EPAS1: variants seen among roughly 807,000 people sequenced by gnomAD.
EPAS1 encodes endothelial PAS domain protein 1.
A neutral mutation model predicts 87.9 loss-of-function variants in EPAS1; 23 were observed. That is an observed-to-expected ratio of 0.26 (90% confidence interval 0.19 to 0.37). The LOEUF (loss-of-function observed/expected upper bound fraction) is 0.37, where lower values mean the gene tolerates loss of function less well. EPAS1 is among the 10% of genes least tolerant of loss of function. The pLI is 1.00. For synonymous variants in EPAS1, 508 were observed against 444.3 expected (o/e 1.14, Z -1.80); for missense variants, 1,138 against 1,120.7 (o/e 1.02, Z -0.22).
In EPAS1 at chr2:46,380,108, T is replaced by G; in HGVS notation, c.1555-119T>G. The G allele has an allele frequency of 6.5e-7, 1 of 1,550,050 alleles. No individual in the cohort carries two copies. Among genetic ancestry groups the G allele is most frequent in the Non-Finnish European group, 8.8e-7 (1 of 1,136,588 alleles). ...AGGCCCTCGGGAGCCAGTGGAGGCG[T>G]TTGAGCAGCACTGTGAAACAGTGCT... On this transcript the variant is annotated intron_variant, in intron 11 of 15. Coordinates refer to ENST00000263734, the MANE Select transcript of EPAS1 (RefSeq NM_001430.5). This position sits in a 1 kb window ranked among gnomAD's most constrained non-coding sequence, Gnocchi z 4.4.
intron 1 of EPAS1, among the ~76,000 whole-genome samples, chr2:46,309,243 T>C (rs1332816542): frequency 1.3e-5 from 2 of 152,226 alleles, no homozygotes; most frequent in African/African-American, 4.8e-5. Flanking sequence ...GAATCATCAC[T>C]GTGTGTAGAT....
intron 1 of EPAS1, among the ~76,000 whole-genome samples, chr2:46,322,020 C>T (rs890237098): frequency 2.6e-5 from 4 of 152,118 alleles, no homozygotes; most frequent in Non-Finnish European, 4.4e-5. Context: ...ATAATCCCTA[C>T]TGATTTGGGT....
intron 13 of EPAS1, 75 bp from the exon 14 acceptor site, chr2:46,381,900 C>T: frequency 9.7e-6 from 5 of 518,044 alleles, no homozygotes; most frequent in Non-Finnish European, 1.1e-5. Context: ...CTGTTCCAGG[C>T]CCACCCAACC....
At chr2:46,356,127 T>TTGGGGGGGGGGGGGGGGGGGGGGGGGGGG in intron 2 of EPAS1, 24 bp from the exon 3 acceptor site, 1 of 1,395,474 alleles carries the variant, frequency 7.2e-7, no homozygotes, top group Non-Finnish European at 9.9e-7. Flanking sequence ...TCATGCAAGC[T>TTGGGGGGGGGGGGGGGGGGGGGGGGGGGG]GTCCCACCCC....
At chr2:46,325,501 C>A (rs1443073269) in intron 1 of EPAS1, among the ~76,000 whole-genome samples, 3 of 152,196 alleles carry the variant, frequency 2.0e-5, no homozygotes, top group African/African-American at 7.2e-5. Flanking sequence ...ACATGACTCA[C>A]TTTGGTGGTG....
intron 1 of EPAS1, among the ~76,000 whole-genome samples, chr2:46,298,364 C>G (rs999458301): frequency 6.6e-6 from 1 of 152,222 alleles, no homozygotes; most frequent in Non-Finnish European, 1.5e-5. Flanking sequence ...TCTGGATTCG[C>G]GGAGTCCTTC....
chr2:46,380,101 G>A lies in EPAS1; in HGVS notation c.1555-126G>A. 2 of 1,503,120 alleles carry A rather than the reference G, an allele frequency of 1.3e-6. No homozygotes were observed. Among genetic ancestry groups the A allele is most frequent in the Admixed American group, 1.7e-5 (1 of 59,816 alleles). 93.1% of individuals were successfully genotyped at this position (1,503,120 alleles called of 1,614,324 possible). ...TCCTGATAGGCCCTCGGGAGCCAGT[G>A]GAGGCGTTTGAGCAGCACTGTGAAA... On this transcript the variant is annotated intron_variant, in intron 11 of 15. Coordinates refer to ENST00000263734, the MANE Select transcript of EPAS1 (RefSeq NM_001430.5). The surrounding 1 kb of genome is among the most constrained non-coding windows in gnomAD (Gnocchi z 4.4).
chr2:46,318,989 C>A (rs1387188623), intron 1 of EPAS1, among the ~76,000 whole-genome samples: 1 of 152,142 alleles, frequency 6.6e-6, no homozygotes, highest in Non-Finnish European at 1.5e-5. Context: ...GCTCAGAAAA[C>A]AAGCTATAAC....
intron 2 of EPAS1, 24 bp from the exon 3 acceptor site, chr2:46,356,127 T>TGGGGG: frequency 1.0e-4 from 143 of 1,395,028 alleles, no homozygotes; most frequent in Non-Finnish European, 1.4e-4. Context: ...TCATGCAAGC[T>TGGGGG]GTCCCACCCC....
Position 46,300,840 on chromosome 2 carries a change from A to G in EPAS1, c.26+2903A>G, listed in dbSNP as rs986735598. On this transcript the variant is annotated intron_variant, in intron 1 of 15. Transcript: ENST00000263734. The surrounding 1 kb of genome is among the most constrained non-coding windows in gnomAD (Gnocchi z 4.1). Reference sequence around the variant, plus strand: ...CTAGCGTGGAAGGGGAATTGGAGACACCTGGATCTCCAATCTCCCCCTCCT... The same window carrying G: ...CTAGCGTGGAAGGGGAATTGGAGACGCCTGGATCTCCAATCTCCCCCTCCT... Among the ~76,000 whole-genome samples the G allele has an allele frequency of 2.0e-5, 3 of 152,132 alleles. No individual in the cohort carries two copies. The highest frequency in any genetic ancestry group is 7.2e-5 in the African/African-American group (3 of 41,426).
chr2:46,352,469 G>A (rs143336041), intron 2 of EPAS1, among the ~76,000 whole-genome samples: 1,525 of 151,746 alleles, frequency 0.01, 30 homozygotes, highest in African/African-American at 0.035. Flanking sequence ...GGTGTAGGGA[G>A]CGCGTGCATT....
Position 46,380,677 on chromosome 2 carries a change from C to T in EPAS1, c.2005C>T (p.Pro669Ser). Residue 669 changes from proline (P) to serine (S), a missense_variant, in exon 12 of 16, where the codon CCC (proline) becomes TCC (serine). Transcript: ENST00000263734. The surrounding 1 kb of genome is among the most constrained non-coding windows in gnomAD (Gnocchi z 4.4). ...GTTCTTGGGAGCAGCGCCGTTGGGGCCCCCTGTCTCTCCACCCCATGTCTC... is the reference window on the plus strand; with the variant it reads ...GTTCTTGGGAGCAGCGCCGTTGGGGTCCCCTGTCTCTCCACCCCATGTCTC... ...TEFLGAAPLG[P>S]PVSPPHVSTF... The T allele has an allele frequency of 6.2e-7, 1 of 1,613,746 alleles. No individual in the cohort carries two copies. The highest frequency in any genetic ancestry group is 8.5e-7 in the Non-Finnish European group (1 of 1,179,998).
At chr2:46,319,429 G>C (rs1376609785) in intron 1 of EPAS1, among the ~76,000 whole-genome samples, 1 of 152,064 alleles carries the variant, frequency 6.6e-6, no homozygotes, top group Non-Finnish European at 1.5e-5. Context: ...CTTTAAAAAG[G>C]CACTCTTTCT....
In EPAS1 at chr2:46,385,385, AT is replaced by A. The variant is rs1014085735; in HGVS notation, c.*728del. 1 of 152,536 alleles carries A rather than the reference AT, an allele frequency of 6.6e-6. No individual in the cohort carries two copies. The highest frequency in any genetic ancestry group is 1.5e-5 in the Non-Finnish European group (1 of 68,094). The allele number at this position is 152,536 out of a possible 1,614,324, so 9.4% of individuals were successfully genotyped here. The stretch of plus-strand genomic sequence containing the variant: ...ACTGAGTTTTTTAAAAGAGGAGAAA[AT>A]TTATATCTGGGTTAAGTGTTTATCA... On this transcript the variant is annotated 3_prime_UTR_variant, in exon 16 of 16. Coordinates refer to ENST00000263734, the MANE Select transcript of EPAS1 (RefSeq NM_001430.5).
intron 7 of EPAS1, 125 bp downstream of exon 7, chr2:46,370,058 A>G (rs1684595700): frequency 2.6e-6 from 2 of 782,854 alleles, no homozygotes; most frequent in Non-Finnish European, 4.4e-6. Flanking sequence ...TGTGTGGCAG[A>G]CAAGACTTAT....
Position 46,380,680 on chromosome 2 carries a change from C to G in EPAS1, c.2008C>G (p.Pro670Ala), listed in dbSNP as rs1684868706. The change falls in exon 12 of 16, where the codon CCT (proline) becomes GCT (alanine). Residue 670 changes from proline to alanine, a missense_variant. Pro to Ala is a conservative substitution (Grantham distance 27, BLOSUM62 -1). This residue lies in a region of EPAS1 where 502 missense variants were observed against 427.1 expected (regional missense o/e 1.18). Transcript: ENST00000263734. The surrounding 1 kb of genome is among the most constrained non-coding windows in gnomAD (Gnocchi z 4.4). ...EFLGAAPLGP[P>A]VSPPHVSTFK... Reference sequence around the variant, plus strand: ...CTTGGGAGCAGCGCCGTTGGGGCCCCCTGTCTCTCCACCCCATGTCTCCAC... The same window carrying G: ...CTTGGGAGCAGCGCCGTTGGGGCCCGCTGTCTCTCCACCCCATGTCTCCAC... The G allele has an allele frequency of 6.2e-7, 1 of 1,613,660 alleles. No homozygotes were observed.
chr2:46,365,650 G>A (rs1181513531), intron 6 of EPAS1, among the ~76,000 whole-genome samples: 4 of 152,236 alleles, frequency 2.6e-5, no homozygotes, highest in Admixed American at 2.6e-4. Context: ...AGAGCTGGTT[G>A]TATAGATTTC....
chr2:46,375,910 ACAGG>A lies in EPAS1; in HGVS notation c.1034+75_1034+78del, dbSNP rs1218604768. The A allele has an allele frequency of 3.7e-6, 6 of 1,605,900 alleles. No individual in the cohort carries two copies. The Admixed American group carries it at 1.0e-4, about 27-fold the overall frequency. ...GCCCAAGCTTCCCAGACTCAGGATGACAGGCCTAGGAGATGCCAGGCCTCTCAGC... is the reference window on the plus strand; with the variant it reads ...GCCCAAGCTTCCCAGACTCAGGATGACCTAGGAGATGCCAGGCCTCTCAGC... On this transcript the variant is annotated intron_variant, in intron 8 of 15. Coordinates refer to ENST00000263734, the MANE Select transcript of EPAS1 (RefSeq NM_001430.5). This position sits in a 1 kb window ranked among gnomAD's most constrained non-coding sequence, Gnocchi z 4.1.
chr2:46,310,063 T>C (rs919047947), intron 1 of EPAS1, among the ~76,000 whole-genome samples: 3 of 152,202 alleles, frequency 2.0e-5, no homozygotes, highest in Admixed American at 6.5e-5. Flanking sequence ...CACTCTGATA[T>C]ATGTTTCTTT....
Sources: gnomAD v4.1 joint callset for allele counts (sites outside exome capture counted in the v4.1 genomes callset) on GRCh38, gnomAD v4.1.1 for gene constraint, gnomAD v4.1.1 regional missense constraint, Gnocchi (gnomAD v3.1) non-coding constraint, MANE v1.5 for transcripts, NCBI Gene and HGNC (gene_info 2026-07-23, HGNC 2026-07-21) for gene names.